FARS2: variants seen among roughly 807,000 people sequenced by gnomAD.
FARS2 encodes the protein phenylalanine--tRNA ligase, mitochondrial.
Under a neutral mutation model 46.4 loss-of-function variants are expected in FARS2, and 40 were observed. The observed-to-expected ratio is 0.86, with a 90% CI of 0.67 to 1.12. The LOEUF is 1.12. Among genes scored for constraint, FARS2 ranks in the 50% most tolerant of loss-of-function variants. The pLI, the probability that FARS2 is intolerant of heterozygous loss-of-function variation, is 0.00. For synonymous variants in FARS2, 234 were observed against 214.9 expected (o/e 1.09, Z -0.78); for missense variants, 513 against 567.9 (o/e 0.90, Z 0.98).
At chr6:5,707,299 G>A (rs1457212292) in intron 6 of FARS2, among the ~76,000 whole-genome samples, 1 of 152,142 alleles carries the variant, frequency 6.6e-6, no homozygotes, top group African/African-American at 2.4e-5. Flanking sequence ...AATATTACAT[G>A]GATTTGAAAA....
intron 4 of FARS2, among the ~76,000 whole-genome samples, chr6:5,501,506 T>C (rs1160886579): frequency 1.3e-5 from 2 of 152,116 alleles, no homozygotes; most frequent in African/African-American, 4.8e-5. Flanking sequence ...TATTTATTTA[T>C]TTATTTTTGA....
At chr6:5,353,726 GT>G (rs55998904) in intron 1 of FARS2, among the ~76,000 whole-genome samples, 2 of 40,388 alleles carry the variant, frequency 5.0e-5, no homozygotes, top group African/African-American at 9.7e-5. Flanking sequence ...AATATTTGGT[GT>G]TTTTTTTTTT....
intron 1 of FARS2, among the ~76,000 whole-genome samples, chr6:5,276,531 A>G (rs1766346477): frequency 6.6e-6 from 1 of 152,192 alleles, no homozygotes; most frequent in African/African-American, 2.4e-5. Context: ...TGTGATGACT[A>G]TGTTAATCTG....
intron 1 of FARS2, among the ~76,000 whole-genome samples, chr6:5,292,471 A>G (rs371837687): frequency 6.6e-6 from 1 of 152,184 alleles, no homozygotes; most frequent in African/African-American, 2.4e-5. Flanking sequence ...CCAGAGTGAT[A>G]TGGGATTTGG....
chr6:5,404,484 A>G lies in FARS2; in HGVS notation c.613-58A>G, dbSNP rs1761436554. 3 of 1,240,808 alleles carry G rather than the reference A, an allele frequency of 2.4e-6. No homozygotes were observed. The South Asian group carries it at 5.7e-5, about 24-fold the overall frequency. 76.9% of individuals were successfully genotyped at this position (1,240,808 alleles called of 1,614,324 possible). A position where few individuals can be genotyped will look rare whatever the true frequency, so the allele number is the denominator to read the frequency against. Reference sequence around the variant, plus strand: ...AGATTCTTAGCAGAATTTTAAAGTTATCTGATATAGATGGGCCAGGATATT... The same window carrying G: ...AGATTCTTAGCAGAATTTTAAAGTTGTCTGATATAGATGGGCCAGGATATT... On this transcript the variant is annotated intron_variant, in intron 2 of 6. Transcript: ENST00000274680.
At chr6:5,396,377 A>G (rs149220118) in intron 2 of FARS2, among the ~76,000 whole-genome samples, 8 of 152,230 alleles carry the variant, frequency 5.3e-5, no homozygotes, top group African/African-American at 9.6e-5. Context: ...TGTTTTTTGC[A>G]TAATCATTTG....
At chr6:5,318,401 A>AC (rs1656934065) in intron 1 of FARS2, among the ~76,000 whole-genome samples, 1 of 135,546 alleles carries the variant, frequency 7.4e-6, no homozygotes, top group South Asian at 2.3e-4. Flanking sequence ...AAAAAAAAAA[A>AC]AAAAAACCCT....
intron 4 of FARS2, among the ~76,000 whole-genome samples, chr6:5,525,649 AAGG>A: frequency 6.6e-6 from 1 of 152,256 alleles, no homozygotes; most frequent in East Asian, 1.9e-4. Context: ...ATTTAAAAAT[AAGG>A]AGGAAAAAGC....
intron 6 of FARS2, among the ~76,000 whole-genome samples, chr6:5,759,785 A>T (rs956147088): frequency 6.6e-6 from 1 of 152,168 alleles, no homozygotes; most frequent in Admixed American, 6.5e-5. Context: ...GGGAGCCCAC[A>T]CTGTCAGAGC....
At chr6:5,341,020 C>T (rs935910086) in intron 1 of FARS2, among the ~76,000 whole-genome samples, 2 of 150,460 alleles carry the variant, frequency 1.3e-5, no homozygotes, top group Non-Finnish European at 3.0e-5. Context: ...TGGTGACGTG[C>T]GCCTGTAATC....
At chr6:5,697,986 G>A (rs1316416576) in intron 6 of FARS2, among the ~76,000 whole-genome samples, 4 of 152,150 alleles carry the variant, frequency 2.6e-5, no homozygotes, top group African/African-American at 9.7e-5. Flanking sequence ...TGCAGCATGG[G>A]TTGAAGTAGA....
chr6:5,522,109 G>GC (rs1341374509), intron 4 of FARS2, among the ~76,000 whole-genome samples: 2 of 152,162 alleles, frequency 1.3e-5, no homozygotes, highest in African/African-American at 4.8e-5. Flanking sequence ...AAATTTAAGT[G>GC]ACTTAATTCA....
intron 5 of FARS2, among the ~76,000 whole-genome samples, chr6:5,600,665 TTAGA>T (rs1774458832): frequency 6.6e-6 from 1 of 152,136 alleles, no homozygotes; most frequent in Non-Finnish European, 1.5e-5. Flanking sequence ...TTAAGTGAAT[TTAGA>T]TAAGAACACG....
intron 6 of FARS2, among the ~76,000 whole-genome samples, chr6:5,702,080 T>C (rs115664160): frequency 2.1e-3 from 313 of 152,344 alleles, no homozygotes; most frequent in African/African-American, 7.0e-3. Context: ...TGTACTGCTG[T>C]TCTTGACATT....
At chr6:5,341,883 T>C (rs897363241) in intron 1 of FARS2, among the ~76,000 whole-genome samples, 1 of 151,848 alleles carries the variant, frequency 6.6e-6, no homozygotes, top group Non-Finnish European at 1.5e-5. Context: ...AAGAGGAAGG[T>C]AAAAAAAATA....
intron 2 of FARS2, among the ~76,000 whole-genome samples, chr6:5,403,798 A>G (rs1026585966): frequency 2.0e-5 from 3 of 152,176 alleles, no homozygotes; most frequent in Non-Finnish European, 4.4e-5. Flanking sequence ...ATCTTCTACC[A>G]AGTAAAGACC....
intron 1 of FARS2, among the ~76,000 whole-genome samples, chr6:5,301,253 C>G (rs964899144): frequency 5.3e-5 from 8 of 152,058 alleles, no homozygotes; most frequent in Admixed American, 1.3e-4. Flanking sequence ...TTTTCTGATG[C>G]CTTAACTTAG....
chr6:5,686,958 A>G (rs1268789325), intron 6 of FARS2, among the ~76,000 whole-genome samples: 3 of 152,286 alleles, frequency 2.0e-5, no homozygotes, highest in African/African-American at 7.2e-5. Flanking sequence ...GCCAGTGATG[A>G]TGAGCATTTT....
chr6:5,611,028 C>T (rs1775152237), intron 5 of FARS2, among the ~76,000 whole-genome samples: 2 of 152,192 alleles, frequency 1.3e-5, no homozygotes, highest in Admixed American at 1.3e-4. Flanking sequence ...AGAATACCTG[C>T]AATGTAACAG....
Sources: gnomAD v4.1 joint callset for allele counts (sites outside exome capture counted in the v4.1 genomes callset) on GRCh38, gnomAD v4.1.1 for gene constraint, MANE v1.5 for transcripts, NCBI Gene and HGNC (gene_info 2026-07-23, HGNC 2026-07-21) for gene names.